Variants in FAM83B observed in about 807,000 individuals in gnomAD.
FAM83B encodes protein FAM83B.
A neutral mutation model predicts 38.8 loss-of-function variants in FAM83B; 26 were observed. The ratio of observed to expected loss-of-function variants is 0.67; its 90% CI spans 0.49 to 0.93. The LOEUF (loss-of-function observed/expected upper bound fraction) is 0.93. Among genes scored for constraint, FAM83B ranks in the 40% least tolerant of loss-of-function variants. FAM83B has a pLI of 0.00. For synonymous variants in FAM83B, 419 were observed against 423.1 expected (o/e 0.99, Z 0.12); for missense variants, 1,237 against 1,197.3 (o/e 1.03, Z -0.49).
intron 2 of FAM83B, among the ~76,000 whole-genome samples, chr6:54,892,033 T>C (rs1772414592): frequency 6.6e-6 from 1 of 152,144 alleles, no homozygotes; most frequent in African/African-American, 2.4e-5. Flanking sequence ...TGTTCTGCCC[T>C]CTACATTTGG....
At position 54,926,357 on chromosome 6, in the gene FAM83B, C is replaced by G; in HGVS notation, c.445-14C>G. 6.7e-7 allele frequency: 1 copy of G among 1,503,290 alleles called. No homozygotes were observed. The highest frequency in any genetic ancestry group is 9.0e-7 in the Non-Finnish European group (1 of 1,110,054). The allele number at this position is 1,503,290 out of a possible 1,614,324, so 93.1% of individuals were successfully genotyped here. On this transcript the variant is annotated splice_polypyrimidine_tract_variant and intron_variant, in intron 2 of 4. Transcript: ENST00000306858. ...CAAGGATCTAAAATTGTTTCATATT[C>G]TTATATTTAACAGGTCATTGCTTTA...
intron 2 of FAM83B, among the ~76,000 whole-genome samples, chr6:54,892,576 C>T (rs1014667942): frequency 1.3e-5 from 2 of 151,672 alleles, no homozygotes; most frequent in Non-Finnish European, 2.9e-5. Context: ...TCCTCCATCC[C>T]TGTTCCTGCA....
intron 2 of FAM83B, among the ~76,000 whole-genome samples, chr6:54,908,431 C>CTGTCATATAAATATTGTA (rs1484265185): frequency 6.6e-6 from 1 of 152,052 alleles, no homozygotes; most frequent in Admixed American, 6.6e-5. Context: ...ACTCTGAAAT[C>CTGTCATATAAATATTGTA]TGTCATATAA....
Position 54,941,202 on chromosome 6 carries a change from T to C in FAM83B, c.2231T>C (p.Leu744Pro), listed in dbSNP as rs577077131. ...AAATCAGTTTCCATTGCTGCTTTAC[T>C]TGATGTGAATAAAGAGGAATCTAAC... ...TTKSVSIAAL[L>P]DVNKEESNKE... The change falls in exon 5 of 5, where the codon CTT becomes CCT. Residue 744 changes from leucine to proline, a missense_variant. Coordinates refer to ENST00000306858, the MANE Select transcript of FAM83B (RefSeq NM_001010872.3). The C allele has an allele frequency of 6.2e-7, 1 of 1,614,058 alleles. No individual in the cohort carries two copies. The highest frequency in any genetic ancestry group is 2.2e-5 in the East Asian group (1 of 44,858).
rs573151626 is a variant in FAM83B at position 54,940,311 on chromosome 6, G to T, written c.1340G>T (p.Arg447Leu). The change falls in exon 5 of 5, where the codon CGG (arginine) becomes CTG (leucine). Residue 447 changes from arginine to leucine, a missense_variant. Transcript: ENST00000306858. ...HNTPAQSFAN[R>L]LAQRKTTNLA... The stretch of plus-strand genomic sequence containing the variant: ...ACACCTGCCCAGAGTTTTGCCAATC[G>T]GCTTGCGCAGAGAAAAACAACAAAT... 2 of 1,614,018 alleles carry T rather than the reference G, an allele frequency of 1.2e-6. No individual in the cohort carries two copies. The highest frequency in any genetic ancestry group is 2.2e-5 in the South Asian group (2 of 91,082).
intron 1 of FAM83B, among the ~76,000 whole-genome samples, chr6:54,854,795 A>G (rs1771404174): frequency 6.6e-6 from 1 of 152,190 alleles, no homozygotes; most frequent in Non-Finnish European, 1.5e-5. Context: ...ATTCTAATAC[A>G]AGTCAAATTT....
At chr6:54,922,615 G>T (rs1018738906) in intron 2 of FAM83B, among the ~76,000 whole-genome samples, 4 of 151,942 alleles carry the variant, frequency 2.6e-5, no homozygotes, top group African/African-American at 7.2e-5. Flanking sequence ...TAAGAAAAAG[G>T]TTGTGGGAAG....
Position 54,942,021 on chromosome 6 carries a change from A to C in FAM83B, c.*14A>C. 1.3e-6 allele frequency: 2 copies of C among 1,580,058 alleles called. No homozygotes were observed. The highest frequency in any genetic ancestry group is 1.4e-5 in the African/African-American group (1 of 73,300). The stretch of plus-strand genomic sequence containing the variant: ...AAAAATAAATAGCTATTAAAATGCA[A>C]AATGAATGAGGCTATCAATATTTGT... On this transcript the variant is annotated 3_prime_UTR_variant, in exon 5 of 5. Coordinates refer to ENST00000306858, the MANE Select transcript of FAM83B (RefSeq NM_001010872.3).
chr6:54,882,229 A>G (rs1772149764), intron 2 of FAM83B, among the ~76,000 whole-genome samples: 1 of 152,106 alleles, frequency 6.6e-6, no homozygotes, highest in Admixed American at 6.6e-5. Flanking sequence ...CTTCTATTCT[A>G]TGATTATTGT....
chr6:54,938,166 C>CA (rs1773563268), intron 4 of FAM83B, among the ~76,000 whole-genome samples: 1 of 152,086 alleles, frequency 6.6e-6, no homozygotes, highest in East Asian at 1.9e-4. Context: ...TAATGGTCTC[C>CA]AGTTCCATCC....
intron 2 of FAM83B, among the ~76,000 whole-genome samples, chr6:54,873,445 C>T (rs1431558823): frequency 1.3e-5 from 2 of 152,080 alleles, no homozygotes; most frequent in Non-Finnish European, 2.9e-5. Flanking sequence ...CTTACCAGAA[C>T]ACATTGCTTT....
intron 2 of FAM83B, among the ~76,000 whole-genome samples, chr6:54,898,450 T>C (rs774301782): frequency 3.9e-5 from 6 of 152,134 alleles, no homozygotes; most frequent in Non-Finnish European, 8.8e-5. Flanking sequence ...TGTTGAGAAA[T>C]GGGACAAAGG....
At chr6:54,872,769 C>A (rs142268632) in intron 2 of FAM83B, among the ~76,000 whole-genome samples, 3 of 152,068 alleles carry the variant, frequency 2.0e-5, no homozygotes, top group Admixed American at 1.3e-4. Context: ...CTTGAATTAG[C>A]GAGCTGAAGA....
chr6:54,848,854 A>G (rs575568978), intron 1 of FAM83B, among the ~76,000 whole-genome samples: 1 of 152,338 alleles, frequency 6.6e-6, no homozygotes, highest in African/African-American at 2.4e-5. Flanking sequence ...GAGGCCACTT[A>G]GCTTAATTTA....
intron 1 of FAM83B, among the ~76,000 whole-genome samples, chr6:54,847,226 A>G (rs1771159518): frequency 6.9e-6 from 1 of 144,010 alleles, no homozygotes; most frequent in South Asian, 2.1e-4. Context: ...GACCGCTGGG[A>G]AAAGTCTCGT....
In FAM83B at chr6:54,931,461, C is replaced by A. The variant is rs536039043; in HGVS notation, c.734+3829C>A. Among the ~76,000 whole-genome samples the A allele has an allele frequency of 1.0e-3, 156 of 151,892 alleles. 2 individuals carry two copies. In the South Asian group the frequency reaches 0.019, roughly 18 times the overall value. ...AAAGTTTGCTTTGTATATTTAGGAG[C>A]TCTGAGGTTTGCTGCACAAATACTT... On this transcript the variant is annotated intron_variant, in intron 4 of 4. Transcript: ENST00000306858.
chr6:54,939,838 A>C lies in FAM83B; in HGVS notation c.867A>C (p.Glu289Asp). The change falls in exon 5 of 5, where the codon GAA (glutamate) becomes GAC (aspartate). Residue 289 changes from glutamate to aspartate, a missense_variant. Coordinates refer to ENST00000306858, the MANE Select transcript of FAM83B (RefSeq NM_001010872.3). ...RSCVPSSFAQ[E>D]ESARVKHGKA... ...GTGTCCCTAGTTCATTTGCTCAGGAAGAATCAGCAAGGGTGAAGCATGGAA... is the reference window on the plus strand; with the variant it reads ...GTGTCCCTAGTTCATTTGCTCAGGACGAATCAGCAAGGGTGAAGCATGGAA... 2 of 1,614,000 alleles carry C rather than the reference A, an allele frequency of 1.2e-6. No individual in the cohort carries two copies. The highest frequency in any genetic ancestry group is 1.7e-6 in the Non-Finnish European group (2 of 1,179,968).
intron 2 of FAM83B, among the ~76,000 whole-genome samples, chr6:54,882,597 G>T (rs1772158474): frequency 6.6e-6 from 1 of 152,074 alleles, no homozygotes; most frequent in South Asian, 2.1e-4. Flanking sequence ...TCACAACCAT[G>T]CTTTTGTTCC....
At chr6:54,866,102 C>T (rs1300539416) in intron 1 of FAM83B, among the ~76,000 whole-genome samples, 4 of 151,728 alleles carry the variant, frequency 2.6e-5, no homozygotes, top group African/African-American at 7.2e-5. Flanking sequence ...GGCTTGTGGA[C>T]GTGTGTAACT....
Sources: gnomAD v4.1 joint callset for allele counts (sites outside exome capture counted in the v4.1 genomes callset) on GRCh38, gnomAD v4.1.1 for gene constraint, MANE v1.5 for transcripts, NCBI Gene and HGNC (gene_info 2026-07-23, HGNC 2026-07-21) for gene names.